INO80: variants seen among roughly 807,000 people sequenced by gnomAD.
INO80 encodes INO80 complex ATPase subunit, also known as chromatin-remodeling ATPase INO80.
In INO80, 20 loss-of-function variants were observed where a neutral mutation model predicts 203.4. The ratio of observed to expected loss-of-function variants is 0.10; its 90% CI spans 0.07 to 0.14. INO80 has a LOEUF of 0.14. INO80 is among the 10% of genes least tolerant of loss of function. INO80 has a pLI of 1.00. For missense variants in INO80, 1,419 were observed against 1,914.4 expected (o/e 0.74, Z 4.83); for synonymous variants, 726 against 685.2 (o/e 1.06, Z -0.93).
Position 41,099,962 on chromosome 15 carries a change from T to C in INO80, c.-43-3609A>G, listed in dbSNP as rs1596327386. Among the ~76,000 whole-genome samples, 4 of 152,288 alleles carry C rather than the reference T, an allele frequency of 2.6e-5. 1 individual carries two copies. In the South Asian group the frequency reaches 8.3e-4, roughly 32 times the overall value. Reference sequence around the variant, plus strand: ...TACTCTGCTTGGCTCCATCCCAAGCTTTTATTACAGAACAATTAATCCATG... The same window carrying C: ...TACTCTGCTTGGCTCCATCCCAAGCCTTTATTACAGAACAATTAATCCATG... On this transcript the variant is annotated intron_variant, in intron 1 of 35. Transcript: ENST00000648947.
intron 25 of INO80, among the ~76,000 whole-genome samples, chr15:41,024,993 GTCC>G (rs1412502844): frequency 2.0e-5 from 3 of 152,084 alleles, no homozygotes; most frequent in African/African-American, 7.3e-5. Context: ...TCTTCTTCCT[GTCC>G]TCCTAATAAT....
intron 19 of INO80, 47 bp from the exon 20 acceptor site, chr15:41,050,149 A>G (rs771438191): frequency 1.1e-5 from 15 of 1,375,520 alleles, no homozygotes; most frequent in Non-Finnish European, 1.4e-5. Context: ...AGTTTTTAAG[A>G]AAATTCAGCA....
At chr15:41,079,610 T>G in intron 9 of INO80, 91 bp downstream of exon 9, 7 of 1,089,458 alleles carry the variant, frequency 6.4e-6, no homozygotes, top group Non-Finnish European at 9.6e-6. Flanking sequence ...GACAGTGTCA[T>G]TGGTTAGATG....
At chr15:41,083,427 TG>T (rs1244308766) in intron 7 of INO80, among the ~76,000 whole-genome samples, 1 of 152,012 alleles carries the variant, frequency 6.6e-6, no homozygotes, top group Non-Finnish European at 1.5e-5. Context: ...TAAAACAGGT[TG>T]GGCATGGTGG....
chr15:41,108,484 T>C (rs1190891799), intron 1 of INO80, among the ~76,000 whole-genome samples: 2 of 146,542 alleles, frequency 1.4e-5, no homozygotes, highest in Non-Finnish European at 3.0e-5. Flanking sequence ...CCCAGCTACT[T>C]GGGAGGCTGA....
intron 28 of INO80, among the ~76,000 whole-genome samples, chr15:40,999,019 C>CACACACACAA (rs751613069): frequency 1.3e-5 from 2 of 150,522 alleles, no homozygotes; most frequent in Admixed American, 6.6e-5. Context: ...CACACACACA[C>CACACACACAA]AAATAAGGGC....
At chr15:40,989,423 G>A (rs1003740211) in intron 29 of INO80, among the ~76,000 whole-genome samples, 7 of 152,276 alleles carry the variant, frequency 4.6e-5, no homozygotes, top group Admixed American at 2.6e-4. Context: ...CCAACATGGC[G>A]GACCAGTTCA....
At chr15:41,038,000 T>TC (rs1419705360) in intron 24 of INO80, among the ~76,000 whole-genome samples, 1 of 142,518 alleles carries the variant, frequency 7.0e-6, no homozygotes, top group African/African-American at 2.6e-5. Flanking sequence ...CTCTTGCCCC[T>TC]CTTCCCTTTT....
In INO80 at chr15:41,032,083, C is replaced by CACAGG. The variant is rs2044495939; in HGVS notation, c.2908-4348_2908-4347insCCTGT. 2.3e-5 allele frequency among the ~76,000 whole-genome samples: 3 copies of CACAGG among 129,104 alleles called. 1 individual carries two copies. Among genetic ancestry groups the CACAGG allele is most frequent in the African/African-American group, 1.3e-4 (3 of 23,962 alleles). 84.7% of individuals were successfully genotyped at this position (129,104 alleles called of 152,430 possible). A position where few individuals can be genotyped will look rare whatever the true frequency, so the allele number is the denominator to read the frequency against. ...CACAGGACAGCACAGGACAGCACAG[C>CACAGG]ACAGCACAGCACAGCACAGCACAGC... On this transcript the variant is annotated intron_variant, in intron 24 of 35. Transcript: ENST00000648947.
At chr15:41,097,857 G>A (rs2045747908) in intron 1 of INO80, among the ~76,000 whole-genome samples, 1 of 151,942 alleles carries the variant, frequency 6.6e-6, no homozygotes, top group South Asian at 2.1e-4. Flanking sequence ...GGAGACTGAG[G>A]CAGGAGAATC....
At chr15:41,026,401 A>G (rs558636863) in intron 25 of INO80, among the ~76,000 whole-genome samples, 1 of 152,122 alleles carries the variant, frequency 6.6e-6, no homozygotes, top group East Asian at 1.9e-4. Flanking sequence ...AAAAATTTAA[A>G]AAGTAGCCAG....
chr15:41,106,482 G>C (rs946026368), intron 1 of INO80, among the ~76,000 whole-genome samples: 3 of 151,688 alleles, frequency 2.0e-5, no homozygotes, highest in African/African-American at 7.3e-5. Flanking sequence ...TGAGCATACA[G>C]TAAACTCATA....
chr15:41,031,303 G>T (rs539510292), intron 24 of INO80, among the ~76,000 whole-genome samples: 1 of 151,386 alleles, frequency 6.6e-6, no homozygotes, highest in East Asian at 2.0e-4. Flanking sequence ...TGCCTGACAT[G>T]GAAGAATACA....
chr15:40,990,324 T>G (rs1475270557), intron 29 of INO80, among the ~76,000 whole-genome samples: 1 of 152,198 alleles, frequency 6.6e-6, no homozygotes, highest in East Asian at 1.9e-4. Flanking sequence ...TGTGTACTAT[T>G]TGAAAGAGTG....
intron 25 of INO80, among the ~76,000 whole-genome samples, chr15:41,025,989 A>G (rs2044369375): frequency 6.6e-6 from 1 of 152,230 alleles, no homozygotes; most frequent in Non-Finnish European, 1.5e-5. Context: ...CTTTGGAAGA[A>G]CAGGATATGT....
intron 20 of INO80, 38 bp from the exon 21 acceptor site, chr15:41,049,458 T>G: frequency 1.2e-6 from 2 of 1,602,710 alleles, no homozygotes; most frequent in Non-Finnish European, 8.5e-7. Context: ...TATTACCACA[T>G]GCAGACATCA....
intron 26 of INO80, chr15:41,017,678 G>A (rs1382119833): frequency 6.6e-6 from 1 of 152,244 alleles, no homozygotes; most frequent in African/African-American, 2.4e-5. Context: ...AAAGCCACAG[G>A]TCCTGGCTGT....
intron 24 of INO80, among the ~76,000 whole-genome samples, chr15:41,038,016 T>TC (rs1221007013): frequency 1.5e-5 from 2 of 131,510 alleles, no homozygotes; most frequent in African/African-American, 3.2e-5. Flanking sequence ...CTTTTCTTTT[T>TC]TTTTTTTTTT....
chr15:41,104,263 G>A (rs936673224), intron 1 of INO80, among the ~76,000 whole-genome samples: 1 of 145,074 alleles, frequency 6.9e-6, no homozygotes, highest in African/African-American at 2.5e-5. Context: ...CATCTGACCA[G>A]AGGCTCATAC....
Sources: gnomAD v4.1 joint callset for allele counts (sites outside exome capture counted in the v4.1 genomes callset) on GRCh38, gnomAD v4.1.1 for gene constraint, MANE v1.5 for transcripts, NCBI Gene and HGNC (gene_info 2026-07-23, HGNC 2026-07-21) for gene names.